The following PRKN variants were observed in gnomAD, a reference collection of about 807,000 sequenced individuals.
PRKN encodes the protein E3 ubiquitin-protein ligase parkin.
PRKN carries 56 observed loss-of-function variants against 59.5 expected under a neutral mutation model. That is an observed-to-expected ratio of 0.94 (90% CI 0.76 to 1.18). The LOEUF is 1.18. PRKN is among the 50% of genes most tolerant of loss of function. The pLI is 0.00. For synonymous variants in PRKN, 250 were observed against 222.1 expected (o/e 1.13, Z -1.12); for missense variants, 657 against 596.4 (o/e 1.10, Z -1.06).
intron 1 of PRKN, among the ~76,000 whole-genome samples, chr6:162,663,309 T>A (rs1418145123): frequency 1.3e-5 from 2 of 151,600 alleles, no homozygotes; most frequent in East Asian, 3.9e-4. Context: ...CCACAGAGAC[T>A]GACACTCTTC....
chr6:161,508,859 T>C (rs1350450245), intron 9 of PRKN, among the ~76,000 whole-genome samples: 1 of 152,102 alleles, frequency 6.6e-6, no homozygotes, highest in African/African-American at 2.4e-5. Flanking sequence ...TTTTTTTTTT[T>C]TGGAGATGGA....
rs544581670 is a variant in PRKN at position 161,818,623 on chromosome 6, G to A, written c.735-32715C>T. ...GCTGGGATTCTGGGTGTGAGCCACC[G>A]TGCCCAGCCCCTAGTCACTTTCAAA... On this transcript the variant is annotated intron_variant, in intron 6 of 11. Transcript: ENST00000366898. Among the ~76,000 whole-genome samples, 25 of 152,138 alleles carry A rather than the reference G, an allele frequency of 1.6e-4. No individual in the cohort carries two copies. The South Asian group carries it at 3.3e-3, about 20-fold the overall frequency.
rs895726292 is a variant in PRKN at position 161,377,599 on chromosome 6, C to T, written c.1167+9195G>A. ...CTTGGGCAACGCAACTGCTATGGTC[C>T]GAGTGTTTGTGTCTCCCCAGATTCC... On this transcript the variant is annotated intron_variant, in intron 10 of 11. Transcript: ENST00000366898. The surrounding 1 kb of genome is among the most constrained non-coding windows in gnomAD (Gnocchi z 4.2). Among the ~76,000 whole-genome samples the T allele has an allele frequency of 9.9e-5, 15 of 152,174 alleles. No homozygotes were observed. The highest frequency in any genetic ancestry group is 1.9e-4 in the Non-Finnish European group (13 of 68,032).
At chr6:161,620,051 G>A (rs1303341626) in intron 7 of PRKN, among the ~76,000 whole-genome samples, 3 of 134,266 alleles carry the variant, frequency 2.2e-5, no homozygotes, top group African/African-American at 5.6e-5. Context: ...GTGCAATGGT[G>A]TGATCTCAGC....
chr6:161,942,033 A>T (rs1417361246), intron 6 of PRKN, among the ~76,000 whole-genome samples: 2 of 152,220 alleles, frequency 1.3e-5, no homozygotes, highest in Admixed American at 1.3e-4. Flanking sequence ...TCTTGCATGA[A>T]CAGAGAAGAA....
At chr6:162,320,385 C>A (rs1313845935) in intron 2 of PRKN, among the ~76,000 whole-genome samples, 96 of 27,734 alleles carry the variant, frequency 3.5e-3, no homozygotes, top group Middle Eastern at 0.038. Flanking sequence ...AAAAAAAAAA[C>A]CAAGCATTTT....
At position 162,262,523 on chromosome 6, in the gene PRKN, A is replaced by G; in HGVS notation, c.412+2T>C. On this transcript the variant is annotated splice_donor_variant, in intron 3 of 11. Transcript: ENST00000366898. LOFTEE classifies it high-confidence loss of function. ...TTAATAATCTTAGAGCATTCCAATTACCTGGACTTCCAGCTGGTGGTGAGT... is the reference window on the plus strand; with the variant it reads ...TTAATAATCTTAGAGCATTCCAATTGCCTGGACTTCCAGCTGGTGGTGAGT... 6.2e-7 allele frequency: 1 copy of G among 1,614,036 alleles called. No individual in the cohort carries two copies. The highest frequency in any genetic ancestry group is 1.1e-5 in the South Asian group (1 of 91,072).
chr6:161,761,426 G>A (rs1422302257), intron 7 of PRKN, among the ~76,000 whole-genome samples: 1 of 152,032 alleles, frequency 6.6e-6, no homozygotes. Context: ...AGGAGACCTC[G>A]GCCAATGGTT....
chr6:162,450,404 T>TGTG (rs1562774251), intron 1 of PRKN, among the ~76,000 whole-genome samples: 1,452 of 135,954 alleles, frequency 0.011, 81 homozygotes, highest in African/African-American at 0.036. Flanking sequence ...TAAACGCCCC[T>TGTG]ATGATTGTAA....
At chr6:161,508,662 G>A (rs1356153306) in intron 9 of PRKN, among the ~76,000 whole-genome samples, 1 of 152,028 alleles carries the variant, frequency 6.6e-6, no homozygotes, top group Non-Finnish European at 1.5e-5. Flanking sequence ...AATTCCTCAA[G>A]CCGATCCTCA....
intron 7 of PRKN, among the ~76,000 whole-genome samples, chr6:161,610,212 C>T (rs1258349311): frequency 5.9e-5 from 9 of 152,058 alleles, no homozygotes; most frequent in Admixed American, 5.9e-4. Flanking sequence ...GCAACTTGCC[C>T]AGCGTTGCAT....
chr6:162,665,808 G>A (rs1288478862), intron 1 of PRKN, among the ~76,000 whole-genome samples: 1 of 152,144 alleles, frequency 6.6e-6, no homozygotes, highest in Non-Finnish European at 1.5e-5. Flanking sequence ...AACCAAAACA[G>A]CACGGTACTG....
rs34452454 is a variant in PRKN at position 162,387,234 on chromosome 6, C to CAA, written c.171+56074_171+56075dup. ...TAATTACACACTAAGAAAAAATAAG[C>CAA]AAAAAAAAAAAAAAAAAAAAATTTC... On this transcript the variant is annotated intron_variant, in intron 2 of 11. Transcript: ENST00000366898. Among the ~76,000 whole-genome samples the CAA allele has an allele frequency of 4.8e-3, 490 of 101,182 alleles. 1 individual carries two copies. The highest frequency in any genetic ancestry group is 8.7e-3 in the Non-Finnish European group (416 of 47,722). 66.4% of individuals were successfully genotyped at this position (101,182 alleles called of 152,430 possible). A position where few individuals can be genotyped will look rare whatever the true frequency, so the allele number is the denominator to read the frequency against.
rs1029904365 is a variant in PRKN, at chr6:161,414,662, T to C, written c.1084-27785A>G. Among the ~76,000 whole-genome samples, 1 of 152,202 alleles carries C rather than the reference T, an allele frequency of 6.6e-6. No homozygotes were observed. The highest frequency in any genetic ancestry group is 1.5e-5 in the Non-Finnish European group (1 of 68,048). On this transcript the variant is annotated intron_variant, in intron 9 of 11. Transcript: ENST00000366898. This position sits in a 1 kb window ranked among gnomAD's most constrained non-coding sequence, Gnocchi z 5.3. ...CTTGATGTTTCACAGCTACTGCACA[T>C]CTGATGAAGAGGATTTTTTTTAACT...
In PRKN at chr6:161,545,066, T is replaced by C. The variant is rs916339380; in HGVS notation, c.1083+3788A>G. 9 of 808,258 alleles carry C rather than the reference T, an allele frequency of 1.1e-5. No individual in the cohort carries two copies. The highest frequency in any genetic ancestry group is 1.8e-5 in the African/African-American group (1 of 55,058). 50.1% of individuals were successfully genotyped at this position (808,258 alleles called of 1,614,324 possible). The stretch of plus-strand genomic sequence containing the variant: ...CCTCTGGAGCCCAGAGCTCAACACA[T>C]GGGTGTCTAGCTCCGAACAATTTTA... On this transcript the variant is annotated intron_variant, in intron 9 of 11. Transcript: ENST00000366898. The surrounding 1 kb of genome is among the most constrained non-coding windows in gnomAD (Gnocchi z 4.1).
Position 161,423,845 on chromosome 6 carries a change from A to G in PRKN, c.1084-36968T>C, listed in dbSNP as rs1788212440. ...TGTATGAATTGACAGAACAGTGCCC[A>G]GTTTACAGGCAGTGCTGAACACAGA... On this transcript the variant is annotated intron_variant, in intron 9 of 11. Coordinates refer to ENST00000366898, the MANE Select transcript of PRKN (RefSeq NM_004562.3). This position sits in a 1 kb window ranked among gnomAD's most constrained non-coding sequence, Gnocchi z 5.9. 6.6e-6 allele frequency among the ~76,000 whole-genome samples: 1 copy of G among 152,180 alleles called. No homozygotes were observed. Among genetic ancestry groups the G allele is most frequent in the Non-Finnish European group, 1.5e-5 (1 of 68,040 alleles).
intron 3 of PRKN, among the ~76,000 whole-genome samples, chr6:162,209,590 C>G (rs144951640): frequency 2.0e-3 from 301 of 152,210 alleles, no homozygotes; most frequent in African/African-American, 6.9e-3. Flanking sequence ...TTGACCCAGC[C>G]ATGCCATTAC....
Position 161,445,089 on chromosome 6 carries a change from C to T in PRKN, c.1084-58212G>A, listed in dbSNP as rs1789422930. Among the ~76,000 whole-genome samples, 1 of 152,126 alleles carries T rather than the reference C, an allele frequency of 6.6e-6. No homozygotes were observed. Among genetic ancestry groups the T allele is most frequent in the Non-Finnish European group, 1.5e-5 (1 of 68,038 alleles). On this transcript the variant is annotated intron_variant, in intron 9 of 11. Coordinates refer to ENST00000366898, the MANE Select transcript of PRKN (RefSeq NM_004562.3). This position sits in a 1 kb window ranked among gnomAD's most constrained non-coding sequence, Gnocchi z 7.7. ...GGGCTTCAGGGACCAGATGCCAGGG[C>T]TGGCACATCTGCCTAAAACCCATAA...
intron 1 of PRKN, among the ~76,000 whole-genome samples, chr6:162,717,266 T>C (rs926533490): frequency 6.6e-6 from 1 of 152,002 alleles, no homozygotes; most frequent in African/African-American, 2.4e-5. Context: ...AGCGAACACC[T>C]TGATTTTAGT....
Sources: allele counts gnomAD v4.1 joint callset (sites outside exome capture counted in the v4.1 genomes callset), GRCh38; gene constraint gnomAD v4.1.1; non-coding constraint Gnocchi (gnomAD v3.1); transcripts MANE v1.5; gene names NCBI Gene and HGNC (gene_info 2026-07-23, HGNC 2026-07-21).